The following DSE variants were observed in gnomAD, a reference collection of about 807,000 sequenced individuals.
The protein encoded by DSE is dermatan-sulfate epimerase.
Under a neutral mutation model 84.4 loss-of-function variants are expected in DSE, and 36 were observed. The ratio of observed to expected loss-of-function variants is 0.43; its 90% CI spans 0.33 to 0.56. The LOEUF (loss-of-function observed/expected upper bound fraction) is 0.56, where lower values mean the gene tolerates loss of function less well. Among genes scored for constraint, DSE ranks in the 20% least tolerant of loss-of-function variants. The pLI is 0.06. For synonymous variants in DSE, 410 were observed against 430.1 expected, an observed-to-expected ratio of 0.95 and a Z score of 0.58; for missense variants, 862 against 1,169.6, an observed-to-expected ratio of 0.74 and a Z score of 3.84.
chr6:116,276,997 C>G (rs1773172199), intron 2 of DSE: 1 of 152,114 alleles, frequency 6.6e-6, no homozygotes, highest in Non-Finnish European at 1.5e-5. Context: ...TATAGTTTAA[C>G]AGAAACAAGA....
At chr6:116,290,103 A>G (rs1774185659) in intron 2 of DSE, among the ~76,000 whole-genome samples, 1 of 152,150 alleles carries the variant, frequency 6.6e-6, no homozygotes, top group African/African-American at 2.4e-5. Flanking sequence ...GCCTAAAGTT[A>G]CATGACTAAT....
intron 1 of DSE, among the ~76,000 whole-genome samples, chr6:116,393,960 T>C (rs1203616741): frequency 6.6e-6 from 1 of 152,248 alleles, no homozygotes; most frequent in Non-Finnish European, 1.5e-5. Context: ...TTCAGTTTTT[T>C]CTTCTCAGCA....
intron 2 of DSE, among the ~76,000 whole-genome samples, chr6:116,296,311 G>A (rs1424894651): frequency 1.3e-5 from 2 of 151,964 alleles, no homozygotes; most frequent in Non-Finnish European, 2.9e-5. Context: ...TTACTGTTAC[G>A]TATTTTCTTG....
At chr6:116,310,847 A>G (rs1190033065) in intron 2 of DSE, among the ~76,000 whole-genome samples, 2 of 152,168 alleles carry the variant, frequency 1.3e-5, no homozygotes, top group Non-Finnish European at 2.9e-5. Context: ...TCTTTTTCAA[A>G]GGCCCTTCCT....
chr6:116,324,257 G>A (rs1448237116), intron 2 of DSE, among the ~76,000 whole-genome samples: 1 of 152,138 alleles, frequency 6.6e-6, no homozygotes, highest in African/African-American at 2.4e-5. Flanking sequence ...ATTGGCAGGT[G>A]GGCAGATTTT....
At chr6:116,280,203 G>A in intron 2 of DSE, 1 of 349,770 alleles carries the variant, frequency 2.9e-6, no homozygotes, top group Non-Finnish European at 5.6e-6. Flanking sequence ...AACAGTGCCT[G>A]CTCTCCAGTG....
chr6:116,364,537 G>A (rs1025538818), intron 2 of DSE, among the ~76,000 whole-genome samples: 6 of 152,322 alleles, frequency 3.9e-5, no homozygotes, highest in Admixed American at 2.6e-4. Flanking sequence ...GCTGTTAAAT[G>A]TTTTACTGGA....
At position 116,437,021 on chromosome 6, in the gene DSE, T is replaced by G; in HGVS notation, c.2553T>G (p.Asp851Glu). ...TGGCACAGAAAGAACTACCCATAGA[T>G]GAAGATGAAGAAATGAAAGACCTTT... ...QILAQKELPI[D>E]EDEEMKDLLD... The change falls in exon 6 of 6, where the codon GAT becomes GAG. Residue 851 changes from aspartate to glutamate, a missense_variant. By Grantham distance (45) the Asp-to-Glu change is conservative. Transcript: ENST00000644252. 4.3e-6 allele frequency: 7 copies of G among 1,614,002 alleles called. No individual in the cohort carries two copies. The highest frequency in any genetic ancestry group is 5.9e-6 in the Non-Finnish European group (7 of 1,179,966).
At chr6:116,293,332 C>T (rs1028519902) in intron 2 of DSE, among the ~76,000 whole-genome samples, 10 of 149,316 alleles carry the variant, frequency 6.7e-5, no homozygotes, top group African/African-American at 2.2e-4. Flanking sequence ...AGTGCAGTGG[C>T]GTGATCTCAG....
At position 116,444,467 on chromosome 6, in the gene DSE, GAATA is replaced by G. The variant is rs957716305; in HGVS notation, c.*7130_*7133del. The G allele has an allele frequency of 6.6e-6, 1 of 152,226 alleles. No homozygotes were observed. Among genetic ancestry groups the G allele is most frequent in the Non-Finnish European group, 1.5e-5 (1 of 68,030 alleles). The allele number at this position is 152,226 out of a possible 1,614,324, so 9.4% of individuals were successfully genotyped here. On this transcript the variant is annotated 3_prime_UTR_variant, in exon 6 of 6. Coordinates refer to ENST00000644252, the MANE Select transcript of DSE (RefSeq NM_013352.4). ...TGATGAATTGACTGACTGCCTGAATGAATAAATAAATTGGTGGATTAATGACTGA... is the reference window on the plus strand; with the variant it reads ...TGATGAATTGACTGACTGCCTGAATGAATAAATTGGTGGATTAATGACTGA...
intron 2 of DSE, among the ~76,000 whole-genome samples, chr6:116,403,690 A>G (rs1280182302): frequency 6.6e-6 from 1 of 152,162 alleles, no homozygotes; most frequent in African/African-American, 2.4e-5. Flanking sequence ...TAGCAAAGAA[A>G]GTAGGCTTAG....
intron 2 of DSE, among the ~76,000 whole-genome samples, chr6:116,300,663 A>G (rs182831295): frequency 6.6e-6 from 1 of 152,346 alleles, no homozygotes; most frequent in African/African-American, 2.4e-5. Flanking sequence ...TACCAGTGCT[A>G]GTGTCAAAGA....
chr6:116,326,015 T>C (rs890355727), intron 2 of DSE, among the ~76,000 whole-genome samples: 26 of 152,308 alleles, frequency 1.7e-4, no homozygotes, highest in Middle Eastern at 3.4e-3. Context: ...ATTTTCACAG[T>C]GCTTTTCTAT....
At chr6:116,357,098 T>C (rs1389520191) in intron 2 of DSE, among the ~76,000 whole-genome samples, 2 of 152,156 alleles carry the variant, frequency 1.3e-5, no homozygotes, top group Non-Finnish European at 2.9e-5. Flanking sequence ...CTAATAATAT[T>C]TCTCCCACCC....
At chr6:116,355,412 A>T (rs532692289) in intron 2 of DSE, among the ~76,000 whole-genome samples, 37 of 152,234 alleles carry the variant, frequency 2.4e-4, no homozygotes, top group Non-Finnish European at 4.3e-4. Flanking sequence ...TTTTCAGCTG[A>T]TACTTTTAAG....
chr6:116,370,607 G>C, upstream of DSE: 3 of 800,600 alleles, frequency 3.7e-6, no homozygotes, highest in African/African-American at 1.9e-5. Context: ...TGTGATTCTC[G>C]AACCCGAAGC....
intron 2 of DSE, chr6:116,279,950 C>T (rs549453965): frequency 1.3e-5 from 18 of 1,437,658 alleles, no homozygotes; most frequent in Admixed American, 1.7e-5. Context: ...GCGGCGGTGT[C>T]GTCAGGACTG....
intron 2 of DSE, chr6:116,278,463 G>C (rs1773270699): frequency 4.3e-6 from 7 of 1,610,466 alleles, no homozygotes; most frequent in African/African-American, 1.3e-5. Flanking sequence ...CCAAGCACAG[G>C]TCCAGCAGAA....
rs1191334784 is a variant in DSE, at chr6:116,279,598, C to T, written c.-54+20631C>T. ...AACAACTCGGATCTGGGGAGTACCGCCACGGCCCGCGGCATCCTGGGGTAC... is the reference window on the plus strand; with the variant it reads ...AACAACTCGGATCTGGGGAGTACCGTCACGGCCCGCGGCATCCTGGGGTAC... On this transcript the variant is annotated intron_variant, in intron 2 of 3. Transcript: ENST00000430252. 1.2e-6 allele frequency: 2 copies of T among 1,602,026 alleles called. No individual in the cohort carries two copies. The highest frequency in any genetic ancestry group is 1.7e-6 in the Non-Finnish European group (2 of 1,179,788).
Sources: allele counts gnomAD v4.1 joint callset (sites outside exome capture counted in the v4.1 genomes callset), GRCh38; gene constraint gnomAD v4.1.1; transcripts MANE v1.5; gene names NCBI Gene and HGNC (gene_info 2026-07-23, HGNC 2026-07-21).